WWP2: variants seen among roughly 807,000 people sequenced by gnomAD.
WWP2 encodes the protein NEDD4-like E3 ubiquitin-protein ligase WWP2.
A neutral mutation model predicts 121.0 loss-of-function variants in WWP2; 57 were observed. The ratio of observed to expected loss-of-function variants is 0.47; its 90% CI spans 0.38 to 0.59. The LOEUF (loss-of-function observed/expected upper bound fraction) is 0.59. WWP2 is among the 20% of genes least tolerant of loss of function. WWP2 has a pLI of 0.00. For missense variants in WWP2, 962 were observed against 1,158.9 expected (o/e 0.83, Z 2.47); for synonymous variants, 449 against 441.3 (o/e 1.02, Z -0.22).
At chr16:69,898,527 A>G (rs1014030035) in intron 8 of WWP2, among the ~76,000 whole-genome samples, 3 of 152,250 alleles carry the variant, frequency 2.0e-5, no homozygotes, top group Non-Finnish European at 4.4e-5. Flanking sequence ...CATGAATGGT[A>G]CATCTTTGAG....
At chr16:69,768,754 T>C (rs1369523501) in intron 1 of WWP2, among the ~76,000 whole-genome samples, 1 of 152,250 alleles carries the variant, frequency 6.6e-6, no homozygotes, top group Non-Finnish European at 1.5e-5. Flanking sequence ...CTTTTATTCT[T>C]AGCCTGTAAT....
chr16:69,867,102 C>T (rs569327912), intron 6 of WWP2, among the ~76,000 whole-genome samples: 6 of 149,860 alleles, frequency 4.0e-5, no homozygotes, highest in African/African-American at 1.5e-4. Flanking sequence ...TCCTGAAGTG[C>T]TGGGATTATA....
chr16:69,881,161 T>G (rs995984366), intron 7 of WWP2, among the ~76,000 whole-genome samples: 1 of 152,132 alleles, frequency 6.6e-6, no homozygotes, highest in Non-Finnish European at 1.5e-5. Context: ...CCACTTTCCC[T>G]CCTTGGTACC....
Position 69,777,037 on chromosome 16 carries a change from A to ATG in WWP2, c.-15-9947_-15-9946dup, listed in dbSNP as rs35448810. On this transcript the variant is annotated intron_variant, in intron 1 of 23. Coordinates refer to ENST00000359154, the MANE Select transcript of WWP2 (RefSeq NM_001270454.2). Reference sequence around the variant, plus strand: ...TACATTTTATATCTTAAAACAGTATATGTGTGTGTGTGTATATATATGTAT... The same window carrying ATG: ...TACATTTTATATCTTAAAACAGTATATGTGTGTGTGTGTGTATATATATGTAT... Among the ~76,000 whole-genome samples the ATG allele has an allele frequency of 1.7e-4, 25 of 151,198 alleles. 3 individuals carry two copies. The highest frequency in any genetic ancestry group is 4.2e-4 in the South Asian group (2 of 4,786).
chr16:69,807,979 C>T (rs2151826827), intron 4 of WWP2, among the ~76,000 whole-genome samples: 1 of 152,184 alleles, frequency 6.6e-6, no homozygotes, highest in African/African-American at 2.4e-5. Context: ...AAACAAAAAA[C>T]ATTCTTAGTG....
intron 4 of WWP2, among the ~76,000 whole-genome samples, chr16:69,821,665 G>T (rs1024698687): frequency 4.6e-5 from 7 of 151,514 alleles, no homozygotes; most frequent in South Asian, 2.1e-4. Flanking sequence ...GTGACTGTTT[G>T]CATTTTAGTC....
At chr16:69,909,177 G>A in intron 9 of WWP2, 1 of 1,031,546 alleles carries the variant, frequency 9.7e-7, no homozygotes, top group Non-Finnish European at 1.2e-6. Context: ...ATGCCGCCAA[G>A]TTATCCAAAA....
chr16:69,917,739 G>T lies in WWP2; in HGVS notation c.1035G>T (p.Arg345Ser), dbSNP rs1171368651. ...AAAAACGCACAGATCCCCGAGGCAG[G>T]TTTTACTATGTGGATCACAATACTC... is the stretch of plus-strand genomic sequence containing the variant. ...GWEKRTDPRG[R>S]FYYVDHNTRT... Residue 345 changes from arginine to serine, a missense_variant, in exon 10 of 24, where the codon AGG becomes AGT. Physicochemically the swap from Arg to Ser is moderately radical, Grantham distance 110. Around this residue, in one of 3 missense-constraint regions of WWP2, gnomAD observed 606 missense variants for 772.6 expected, o/e 0.78. Coordinates refer to ENST00000359154, the MANE Select transcript of WWP2 (RefSeq NM_001270454.2). The T allele has an allele frequency of 2.5e-6, 4 of 1,608,492 alleles. No individual in the cohort carries two copies. The African/African-American group carries it at 5.3e-5, about 21-fold the overall frequency.
At chr16:69,927,944 G>A (rs1207940306) in intron 11 of WWP2, among the ~76,000 whole-genome samples, 1 of 152,218 alleles carries the variant, frequency 6.6e-6, no homozygotes, top group African/African-American at 2.4e-5. Context: ...TTACAGGCGT[G>A]ATCCACCGTG....
intron 4 of WWP2, among the ~76,000 whole-genome samples, chr16:69,801,578 T>C (rs2056167967): frequency 6.6e-6 from 1 of 152,066 alleles, no homozygotes; most frequent in South Asian, 2.1e-4. Flanking sequence ...CCTATATTGC[T>C]CAGGCTGGAG....
At chr16:69,838,606 C>A in intron 4 of WWP2, 1 of 323,404 alleles carries the variant, frequency 3.1e-6, no homozygotes, top group Non-Finnish European at 4.4e-6. Flanking sequence ...TCTGCTGGGG[C>A]TGGAGCAGCT....
rs1555553865 is a variant in WWP2, at chr16:69,849,482, T to TTCATTC, written c.575+7362_575+7363insTCATTC. Among the ~76,000 whole-genome samples, 604 of 149,660 alleles carry TTCATTC rather than the reference T, an allele frequency of 4.0e-3. 2 individuals are homozygous for TTCATTC. Among genetic ancestry groups the TTCATTC allele is most frequent in the African/African-American group, 9.3e-3 (376 of 40,362 alleles). ...AATAAGTGTTATTTATTTATTTATT[T>TTCATTC]ATTCATTCATTCATTCATTCATTCA... On this transcript the variant is annotated intron_variant, in intron 6 of 23. Coordinates refer to ENST00000359154, the MANE Select transcript of WWP2 (RefSeq NM_001270454.2).
intron 6 of WWP2, among the ~76,000 whole-genome samples, chr16:69,866,347 G>A (rs1025058131): frequency 4.7e-5 from 7 of 149,360 alleles, no homozygotes; most frequent in African/African-American, 1.7e-4. Flanking sequence ...ACATTGCCTG[G>A]GCCAGTCTCA....
At position 69,925,115 on chromosome 16, in the gene WWP2, C is replaced by G; in HGVS notation, c.1180-315C>G. 3.6e-6 allele frequency: 4 copies of G among 1,119,738 alleles called. No individual in the cohort carries two copies. The highest frequency in any genetic ancestry group is 4.4e-6 in the Non-Finnish European group (4 of 914,626). 69.4% of individuals were successfully genotyped at this position (1,119,738 alleles called of 1,614,324 possible). A position where few individuals can be genotyped will look rare whatever the true frequency, so the allele number is the denominator to read the frequency against. ...CTGCTTCCCGGGCCTTCCTACCATG[C>G]CAGGGCTGCTCCCTGCCTCCGCCAC... On this transcript the variant is annotated intron_variant, in intron 10 of 23. Coordinates refer to ENST00000359154, the MANE Select transcript of WWP2 (RefSeq NM_001270454.2). This position sits in a 1 kb window ranked among gnomAD's most constrained non-coding sequence, Gnocchi z 4.0.
Position 69,924,809 on chromosome 16 carries a change from G to A in WWP2, c.1180-621G>A, listed in dbSNP as rs1308307055. Among the ~76,000 whole-genome samples the A allele has an allele frequency of 4.7e-5, 7 of 149,806 alleles. No homozygotes were observed. In the East Asian group the frequency reaches 1.4e-3, roughly 30 times the overall value. ...TGTAAAGGGGAAGGAAAACATTCCTGGGGGAGGTGAGGGCTTGGGGCATGA... is the reference window on the plus strand; with the variant it reads ...TGTAAAGGGGAAGGAAAACATTCCTAGGGGAGGTGAGGGCTTGGGGCATGA... On this transcript the variant is annotated intron_variant, in intron 10 of 23. Coordinates refer to ENST00000359154, the MANE Select transcript of WWP2 (RefSeq NM_001270454.2).
intron 2 of WWP2, chr16:69,788,088 T>C (rs914618731): frequency 6.6e-6 from 1 of 152,136 alleles, no homozygotes; most frequent in African/African-American, 2.4e-5. Flanking sequence ...TGGGGCCAGG[T>C]GTGGTGACTC....
chr16:69,764,693 G>T (rs1009949354), intron 1 of WWP2, among the ~76,000 whole-genome samples: 1 of 152,146 alleles, frequency 6.6e-6, no homozygotes, highest in Non-Finnish European at 1.5e-5. Context: ...TCTTTGCCAG[G>T]CATTGTTGTA....
chr16:69,939,939 A>ACCGAGGGCTTTGGACAGGAGTG lies in WWP2; in HGVS notation c.2612_2613insCCGAGGGCTTTGGACAGGAGTG (p.Ter871TyrfsTer93). ...GAGACCGAGGGCTTTGGACAGGAGT[A>ACCGAGGGCTTTGGACAGGAGTG]ACCGAGGCCGCCCCTCCCACGCCCC... On this transcript the variant is annotated frameshift_variant and stop_lost, in exon 24 of 24. Transcript: ENST00000359154. LOFTEE classifies it high-confidence loss of function. The ACCGAGGGCTTTGGACAGGAGTG allele has an allele frequency of 6.2e-7, 1 of 1,612,838 alleles. No homozygotes were observed. Among genetic ancestry groups the ACCGAGGGCTTTGGACAGGAGTG allele is most frequent in the Non-Finnish European group, 8.5e-7 (1 of 1,179,502 alleles).
intron 4 of WWP2, among the ~76,000 whole-genome samples, chr16:69,815,765 C>T (rs914741162): frequency 2.8e-5 from 4 of 143,122 alleles, no homozygotes; most frequent in South Asian, 2.2e-4. Flanking sequence ...CCAGCCTGGG[C>T]GACAGAACAA....
Sources: gnomAD v4.1 joint callset for allele counts (sites outside exome capture counted in the v4.1 genomes callset) on GRCh38, gnomAD v4.1.1 for gene constraint, gnomAD v4.1.1 regional missense constraint, Gnocchi (gnomAD v3.1) non-coding constraint, MANE v1.5 for transcripts, NCBI Gene and HGNC (gene_info 2026-07-23, HGNC 2026-07-21) for gene names.